The following SLC16A10 variants were observed in gnomAD, a reference collection of about 807,000 sequenced individuals.
The protein encoded by SLC16A10 is monocarboxylate transporter 10.
Under a neutral mutation model 40.0 loss-of-function variants are expected in SLC16A10, and 27 were observed. The ratio of observed to expected loss-of-function variants is 0.67; its 90% confidence interval spans 0.50 to 0.93. The LOEUF (loss-of-function observed/expected upper bound fraction) is 0.93, where lower values mean the gene tolerates loss of function less well. Ranked by LOEUF, SLC16A10 falls within the 40% of genes least tolerant of loss-of-function variation. SLC16A10 has a pLI of 0.00. For missense variants in SLC16A10, 529 were observed against 658.2 expected, an observed-to-expected ratio of 0.80 and a Z score of 2.15; for synonymous variants, 213 against 249.8, an observed-to-expected ratio of 0.85 and a Z score of 1.39.
chr6:111,112,438 A>G (rs73528983), intron 1 of SLC16A10, among the ~76,000 whole-genome samples: 17,622 of 152,290 alleles, frequency 0.12, 1,126 homozygotes, highest in Middle Eastern at 0.17. Context: ...ATTTGTTAAT[A>G]TCTGTCTTTC....
At chr6:111,208,725 TAGAG>T (rs1261170943) in intron 4 of SLC16A10, among the ~76,000 whole-genome samples, 6 of 152,116 alleles carry the variant, frequency 3.9e-5, no homozygotes, top group Admixed American at 2.6e-4. Context: ...TCTCTTTCCA[TAGAG>T]AAAGAAGGTA....
chr6:111,158,798 G>T (rs1251926459), intron 1 of SLC16A10, among the ~76,000 whole-genome samples: 1 of 152,050 alleles, frequency 6.6e-6, no homozygotes, highest in Non-Finnish European at 1.5e-5. Context: ...GTTTTGAAAA[G>T]ATGTAGGCTG....
intron 1 of SLC16A10, among the ~76,000 whole-genome samples, chr6:111,134,433 T>C (rs1272660159): frequency 3.9e-5 from 6 of 152,034 alleles, no homozygotes; most frequent in Admixed American, 3.3e-4. Context: ...GCTGCAGATA[T>C]TAGAAAAAAA....
chr6:111,095,785 T>C (rs1355661390), intron 1 of SLC16A10, among the ~76,000 whole-genome samples: 2 of 152,242 alleles, frequency 1.3e-5, no homozygotes, highest in Non-Finnish European at 2.9e-5. Context: ...ATGTAAGACA[T>C]GCCTTTGCTC....
intron 1 of SLC16A10, among the ~76,000 whole-genome samples, chr6:111,160,779 TTCTC>T (rs367698299): frequency 1.3e-5 from 2 of 151,538 alleles, no homozygotes; most frequent in Non-Finnish European, 3.0e-5. Context: ...CAGGTGGTTT[TTCTC>T]TCTCTCTCTC....
chr6:111,135,080 T>C (rs1409130727), intron 1 of SLC16A10, among the ~76,000 whole-genome samples: 1 of 152,130 alleles, frequency 6.6e-6, no homozygotes, highest in Non-Finnish European at 1.5e-5. Context: ...TTTCTAATTG[T>C]ACCTGAAAGC....
chr6:111,108,272 G>T (rs891259618), intron 1 of SLC16A10, among the ~76,000 whole-genome samples: 19 of 151,952 alleles, frequency 1.3e-4, no homozygotes, highest in Non-Finnish European at 2.5e-4. Context: ...CACCTGTCTC[G>T]GCCTTCCAAA....
intron 1 of SLC16A10, among the ~76,000 whole-genome samples, chr6:111,161,222 C>CAAAA (rs57463212): frequency 0.082 from 3,485 of 42,308 alleles, 466 homozygotes; most frequent in Middle Eastern, 0.29. Flanking sequence ...GACAGTGTCT[C>CAAAA]AAAAAAAAAA....
At chr6:111,186,521 G>A (rs957179333) in intron 3 of SLC16A10, among the ~76,000 whole-genome samples, 3 of 152,204 alleles carry the variant, frequency 2.0e-5, no homozygotes, top group African/African-American at 7.2e-5. Context: ...TTTACAAGGT[G>A]GCTTTGGGTT....
Position 111,177,516 on chromosome 6 carries a change from G to A in SLC16A10, c.793G>A (p.Gly265Ser). The A allele has an allele frequency of 3.1e-6, 5 of 1,613,966 alleles. No homozygotes were observed. Among genetic ancestry groups the A allele is most frequent in the Non-Finnish European group, 4.2e-6 (5 of 1,179,962 alleles). ...ATSTKDKESGGSGSSLFSRKK... is the reference protein window; with the variant it reads ...ATSTKDKESGSSGSSLFSRKK... ...CAGTACCAAAGATAAAGAGAGTGGAGGTAGCGGATCCTCCCTCTTTTCCAG... is the reference window on the plus strand; with the variant it reads ...CAGTACCAAAGATAAAGAGAGTGGAAGTAGCGGATCCTCCCTCTTTTCCAG... The change falls in exon 3 of 6, where the codon GGT becomes AGT. Residue 265 changes from glycine (G) to serine (S), a missense_variant. Transcript: ENST00000368851.
intron 3 of SLC16A10, among the ~76,000 whole-genome samples, chr6:111,194,426 G>A (rs1344959145): frequency 6.6e-6 from 1 of 152,246 alleles, no homozygotes; most frequent in East Asian, 1.9e-4. Flanking sequence ...TAACTTAAAG[G>A]TATGGAAATG....
At chr6:111,122,165 G>C (rs1771595830) in intron 1 of SLC16A10, among the ~76,000 whole-genome samples, 1 of 152,186 alleles carries the variant, frequency 6.6e-6, no homozygotes, top group African/African-American at 2.4e-5. Flanking sequence ...GTTGTGGGGA[G>C]TGATGGTGGT....
At chr6:111,172,898 A>G in intron 2 of SLC16A10, 59 bp downstream of exon 2, 1 of 1,554,366 alleles carries the variant, frequency 6.4e-7, no homozygotes, top group Non-Finnish European at 8.8e-7. Flanking sequence ...TTAAAGTTTT[A>G]CTTTCAGAAA....
At chr6:111,221,147 A>G (rs1004644678) in intron 5 of SLC16A10, among the ~76,000 whole-genome samples, 1 of 152,210 alleles carries the variant, frequency 6.6e-6, no homozygotes, top group Non-Finnish European at 1.5e-5. Flanking sequence ...GTTTTATAGT[A>G]TAAGTTATAA....
At chr6:111,211,762 C>T (rs975002577) in intron 4 of SLC16A10, among the ~76,000 whole-genome samples, 4 of 152,206 alleles carry the variant, frequency 2.6e-5, no homozygotes, top group African/African-American at 7.2e-5. Context: ...GGCTTCCTTG[C>T]CCCAACATCC....
chr6:111,216,617 G>A (rs940455677), intron 4 of SLC16A10, among the ~76,000 whole-genome samples: 1 of 148,352 alleles, frequency 6.7e-6, no homozygotes, highest in African/African-American at 2.5e-5. Flanking sequence ...GGGTTTCACC[G>A]TGTTAGCCAG....
At chr6:111,128,480 G>A (rs1429760865) in intron 1 of SLC16A10, among the ~76,000 whole-genome samples, 1 of 152,100 alleles carries the variant, frequency 6.6e-6, no homozygotes. Context: ...AAGAGGGAGC[G>A]GTGCTCTTCT....
intron 1 of SLC16A10, among the ~76,000 whole-genome samples, chr6:111,106,547 CG>C (rs1562399051): frequency 1.3e-5 from 2 of 152,114 alleles, no homozygotes; most frequent in African/African-American, 4.8e-5. Flanking sequence ...TATGGAAGAA[CG>C]TCAAGGCAAT....
intron 1 of SLC16A10, among the ~76,000 whole-genome samples, chr6:111,139,092 C>CTTATTTTT: frequency 8.4e-6 from 1 of 118,894 alleles, no homozygotes; most frequent in East Asian, 2.4e-4. Context: ...TCTTCTTCTT[C>CTTATTTTT]TTTTTTTTTT....
Sources: gnomAD v4.1 joint callset for allele counts (sites outside exome capture counted in the v4.1 genomes callset) on GRCh38, gnomAD v4.1.1 for gene constraint, MANE v1.5 for transcripts, NCBI Gene and HGNC (gene_info 2026-07-23, HGNC 2026-07-21) for gene names.